Variants in NCK1 observed in about 807,000 individuals in gnomAD.
The protein encoded by NCK1 is SH2/SH3 adapter protein NCK1.
NCK1 carries 19 observed loss-of-function variants against 36.6 expected under a neutral mutation model. The observed-to-expected ratio is 0.52, with a 90% CI of 0.36 to 0.76. NCK1 has a LOEUF of 0.76. NCK1 is among the 30% of genes least tolerant of loss of function. The pLI is 0.00. For missense variants in NCK1, 358 were observed against 445.6 expected (o/e 0.80, Z 1.77); for synonymous variants, 165 against 156.0 (o/e 1.06, Z -0.43).
intron 1 of NCK1, among the ~76,000 whole-genome samples, chr3:136,862,940 T>G (rs998537566): frequency 1.3e-5 from 2 of 150,994 alleles, no homozygotes; most frequent in African/African-American, 2.4e-5. Flanking sequence ...GTACGCGAGT[T>G]GCTGGGGCTG....
chr3:136,917,069 A>G lies in NCK1; in HGVS notation c.-18-10915A>G, dbSNP rs576137061. Among the ~76,000 whole-genome samples, 10 of 152,364 alleles carry G rather than the reference A, an allele frequency of 6.6e-5. No homozygotes were observed. The South Asian group carries it at 2.1e-3, about 32-fold the overall frequency. On this transcript the variant is annotated intron_variant, in intron 1 of 3. Coordinates refer to ENST00000481752, the MANE Select transcript of NCK1 (RefSeq NM_001291999.2). ...AATTTATCAAATGTATTCATATGTA[A>G]TATGTAAACATAGTATAAAATGTGG...
intron 1 of NCK1, among the ~76,000 whole-genome samples, chr3:136,926,816 T>G (rs1174946077): frequency 6.6e-6 from 1 of 152,220 alleles, no homozygotes; most frequent in Non-Finnish European, 1.5e-5. Context: ...ATCAGTTACG[T>G]GAACATTGAG....
intron 2 of NCK1, among the ~76,000 whole-genome samples, chr3:136,941,273 A>G (rs748661422): frequency 5.9e-5 from 9 of 151,560 alleles, no homozygotes; most frequent in Non-Finnish European, 5.9e-5. Context: ...CTACAGGTGC[A>G]TGCCACGATG....
intron 1 of NCK1, chr3:136,867,457 A>G (rs1483406924): frequency 3.2e-5 from 4 of 125,806 alleles, no homozygotes; most frequent in Admixed American, 1.0e-4. Context: ...TGTTGTTCAG[A>G]CTGGTTTTGA....
At chr3:136,872,823 CTTGGTGTTGATGCTGCAAT>C (rs1048047786) in intron 1 of NCK1, among the ~76,000 whole-genome samples, 26 of 152,292 alleles carry the variant, frequency 1.7e-4, no homozygotes, top group Admixed American at 1.6e-3. Context: ...AGCCCCAAGC[CTTGGTGTTGATGCTGCAAT>C]GTGGTGTTGA....
intron 3 of NCK1, among the ~76,000 whole-genome samples, chr3:136,946,702 C>A (rs1576995750): frequency 6.6e-6 from 1 of 152,058 alleles, no homozygotes; most frequent in African/African-American, 2.4e-5. Context: ...CACTGTAGTC[C>A]TTATGACATA....
At chr3:136,939,554 G>A (rs1179581136) in intron 2 of NCK1, among the ~76,000 whole-genome samples, 1 of 151,896 alleles carries the variant, frequency 6.6e-6, no homozygotes, top group Non-Finnish European at 1.5e-5. Context: ...GGTAATTCGA[G>A]ATCTTTCTTC....
intron 2 of NCK1, among the ~76,000 whole-genome samples, chr3:136,945,219 G>A (rs1313611332): frequency 5.3e-5 from 8 of 152,160 alleles, no homozygotes. Flanking sequence ...GAGTATGGGT[G>A]TGGTGGAGCC....
intron 1 of NCK1, among the ~76,000 whole-genome samples, chr3:136,914,910 G>T (rs998440806): frequency 7.2e-5 from 11 of 152,118 alleles, no homozygotes; most frequent in Non-Finnish European, 5.9e-5. Context: ...CACTATATTA[G>T]TTCCTGTGGG....
intron 2 of NCK1, 83 bp from the exon 3 acceptor site, chr3:136,945,500 C>A: frequency 2.0e-6 from 2 of 987,632 alleles, no homozygotes; most frequent in East Asian, 2.6e-5. Context: ...AGTTGAAGAT[C>A]TCTTTTTAAT....
chr3:136,874,145 C>A (rs945724087), intron 1 of NCK1, among the ~76,000 whole-genome samples: 1 of 152,066 alleles, frequency 6.6e-6, no homozygotes, highest in Non-Finnish European at 1.5e-5. Flanking sequence ...GTGAATAAAG[C>A]TATTGTCAAC....
chr3:136,886,946 C>T (rs956252765), intron 1 of NCK1, among the ~76,000 whole-genome samples: 3 of 151,722 alleles, frequency 2.0e-5, no homozygotes, highest in East Asian at 1.9e-4. Flanking sequence ...CAGGTTCAAG[C>T]GATTCTTATG....
At chr3:136,921,365 G>A (rs1576978569) in intron 1 of NCK1, among the ~76,000 whole-genome samples, 1 of 152,200 alleles carries the variant, frequency 6.6e-6, no homozygotes, top group African/African-American at 2.4e-5. Context: ...GCAAGAAAAA[G>A]TAAGACATAG....
In NCK1 at chr3:136,946,398, G is replaced by GT. The variant is rs564133235; in HGVS notation, c.939+104dup. On this transcript the variant is annotated intron_variant, in intron 3 of 3. Coordinates refer to ENST00000481752, the MANE Select transcript of NCK1 (RefSeq NM_001291999.2). Reference sequence around the variant, plus strand: ...AAGTGGCTTCCCTAAAGTTAACCAGGTAACAAGCTGGGACGTAACATAAGC... The same window carrying GT: ...AAGTGGCTTCCCTAAAGTTAACCAGGTTAACAAGCTGGGACGTAACATAAGC... The GT allele has an allele frequency of 6.1e-5, 58 of 952,212 alleles. No homozygotes were observed. The African/African-American group carries it at 9.1e-4, about 15-fold the overall frequency. 59.0% of individuals were successfully genotyped at this position (952,212 alleles called of 1,614,324 possible).
intron 1 of NCK1, among the ~76,000 whole-genome samples, chr3:136,886,432 C>A (rs1939075871): frequency 6.6e-6 from 1 of 152,082 alleles, no homozygotes; most frequent in South Asian, 2.1e-4. Flanking sequence ...TCGAACTCAT[C>A]TCTAGATTAC....
intron 1 of NCK1, among the ~76,000 whole-genome samples, chr3:136,904,447 C>G (rs535334710): frequency 2.6e-5 from 4 of 152,342 alleles, no homozygotes; most frequent in East Asian, 1.9e-4. Flanking sequence ...GCCACCGTAC[C>G]TGGCCTTCTT....
At chr3:136,930,992 T>TA (rs1311250544) in intron 2 of NCK1, among the ~76,000 whole-genome samples, 1 of 147,404 alleles carries the variant, frequency 6.8e-6, no homozygotes, top group Admixed American at 6.8e-5. Context: ...TTTTTTTTTT[T>TA]AACTACTTTT....
intron 1 of NCK1, chr3:136,899,212 AT>A (rs1372954200): frequency 4.0e-6 from 1 of 250,190 alleles, no homozygotes; most frequent in Non-Finnish European, 8.2e-6. Context: ...TGGTAGAACC[AT>A]TTAGGTCTCT....
intron 1 of NCK1, among the ~76,000 whole-genome samples, chr3:136,888,483 A>T (rs1227880390): frequency 6.6e-6 from 1 of 151,540 alleles, no homozygotes; most frequent in African/African-American, 2.4e-5. Context: ...GCTGACTGCA[A>T]CCTCTGCCTC....
Sources: allele counts gnomAD v4.1 joint callset (sites outside exome capture counted in the v4.1 genomes callset), GRCh38; gene constraint gnomAD v4.1.1; transcripts MANE v1.5; gene names NCBI Gene and HGNC (gene_info 2026-07-23, HGNC 2026-07-21).